EVI5L: variants seen among roughly 807,000 people sequenced by gnomAD.
EVI5L encodes the protein ecotropic viral integration site 5 like, also known as EVI5-like protein.
A neutral mutation model predicts 106.1 loss-of-function variants in EVI5L; 30 were observed. That is an observed-to-expected ratio of 0.28 (90% CI 0.21 to 0.38). The LOEUF (loss-of-function observed/expected upper bound fraction) is 0.38. EVI5L is among the 10% of genes least tolerant of loss of function. The pLI, the probability that EVI5L is intolerant of heterozygous loss-of-function variation, is 1.00. For synonymous variants in EVI5L, 489 were observed against 483.3 expected (o/e 1.01, Z -0.15); for missense variants, 809 against 1,098.0 (o/e 0.74, Z 3.72).
chr19:7,838,555 C>T (rs1289965285), intron 1 of EVI5L, among the ~76,000 whole-genome samples: 3 of 152,144 alleles, frequency 2.0e-5, no homozygotes, highest in Admixed American at 6.5e-5. Flanking sequence ...CCTGCCTAAG[C>T]GACATGGAAA....
chr19:7,831,864 C>G (rs757296807), intron 1 of EVI5L, among the ~76,000 whole-genome samples: 1 of 152,252 alleles, frequency 6.6e-6, no homozygotes, highest in Admixed American at 6.5e-5. Flanking sequence ...CTTTCACCCA[C>G]AACTAGTGTG....
At chr19:7,847,569 G>A (rs1444416031) in intron 2 of EVI5L, among the ~76,000 whole-genome samples, 163 bp from the exon 3 acceptor site, 1 of 150,674 alleles carries the variant, frequency 6.6e-6, no homozygotes, top group Admixed American at 6.7e-5. Flanking sequence ...CTGGGCGACA[G>A]AGCAAGACTC....
chr19:7,849,017 G>A lies in EVI5L; in HGVS notation c.424G>A (p.Glu142Lys), dbSNP rs1363145601. The change falls in exon 4 of 20, where the codon GAG becomes AAG. Residue 142 changes from glutamate to lysine, a missense_variant. Coordinates refer to ENST00000538904, the MANE Select transcript of EVI5L (RefSeq NM_001159944.3). ...CATGCCCGTCAAGAACCAGTACTCCGAGCTGCTCAAGATGTCCTCGCCGTG... is the reference window on the plus strand; with the variant it reads ...CATGCCCGTCAAGAACCAGTACTCCAAGCTGCTCAAGATGTCCTCGCCGTG... ...TDMPVKNQYS[E>K]LLKMSSPCEK... is the part of the protein sequence containing the mutation. The A allele has an allele frequency of 1.9e-6, 3 of 1,613,614 alleles. No individual in the cohort carries two copies. The highest frequency in any genetic ancestry group is 1.7e-6 in the Non-Finnish European group (2 of 1,180,036).
Position 7,849,124 on chromosome 19 carries a change from G to A in EVI5L, c.531G>A (p.Glu177=), listed in dbSNP as rs1256492729. The change falls in exon 4 of 20, where the codon GAG becomes GAA. Residue 177 remains glutamate, a synonymous_variant. Transcript: ENST00000538904. ...AGGGCCAGGACAGCCTGGGCCAGGAGGTCCTCTTCAACGTCATGAAGGTGA... is the reference window on the plus strand; with the variant it reads ...AGGGCCAGGACAGCCTGGGCCAGGAAGTCCTCTTCAACGTCATGAAGGTGA... ...FFKGQDSLGQ[E]VLFNVMKAYS... is the part of the protein sequence containing the mutation. 2 of 1,610,160 alleles carry A rather than the reference G, an allele frequency of 1.2e-6. No individual in the cohort carries two copies. Among genetic ancestry groups the A allele is most frequent in the East Asian group, 4.5e-5 (2 of 44,732 alleles).
chr19:7,850,811 C>T lies in EVI5L; in HGVS notation c.754-623C>T, dbSNP rs1353416938. On this transcript the variant is annotated intron_variant, in intron 6 of 19. Transcript: ENST00000538904. This position sits in a 1 kb window ranked among gnomAD's most constrained non-coding sequence, Gnocchi z 5.4. ...CCACCTCAGGCTGGGTAGCAGAGCC[C>T]TCCCACAGCCAAGCTTGCAAACTCA... Among the ~76,000 whole-genome samples, 1 of 152,186 alleles carries T rather than the reference C, an allele frequency of 6.6e-6. No homozygotes were observed. Among genetic ancestry groups the T allele is most frequent in the Non-Finnish European group, 1.5e-5 (1 of 68,036 alleles).
intron 10 of EVI5L, among the ~76,000 whole-genome samples, chr19:7,854,697 T>C (rs574141354): frequency 2.1e-4 from 32 of 152,266 alleles, no homozygotes; most frequent in African/African-American, 6.7e-4. Context: ...AGAGAGATGA[T>C]AGGGAAACCC....
At position 7,858,180 on chromosome 19, in the gene EVI5L, G is replaced by T. The variant is rs369044145; in HGVS notation, c.1234-11G>T. The T allele has an allele frequency of 6.4e-7, 1 of 1,554,508 alleles. No homozygotes were observed. The highest frequency in any genetic ancestry group is 2.4e-5 in the East Asian group (1 of 41,576). On this transcript the variant is annotated splice_polypyrimidine_tract_variant and intron_variant, in intron 12 of 19. Coordinates refer to ENST00000538904, the MANE Select transcript of EVI5L (RefSeq NM_001159944.3). This position sits in a 1 kb window ranked among gnomAD's most constrained non-coding sequence, Gnocchi z 5.7. ...CGGCCTCCCCCTGCCCCCTGTCCTC[G>T]CTGTTCTCAGGGGCAAGTGACACGG...
At chr19:7,842,643 A>C (rs1233415220) in intron 1 of EVI5L, among the ~76,000 whole-genome samples, 1 of 148,052 alleles carries the variant, frequency 6.8e-6, no homozygotes, top group African/African-American at 2.5e-5. Flanking sequence ...AAATATGTGA[A>C]TGTGGGTGTT....
intron 13 of EVI5L, among the ~76,000 whole-genome samples, chr19:7,859,345 T>C (rs1568244124): frequency 6.6e-6 from 1 of 152,144 alleles, no homozygotes; most frequent in Admixed American, 6.5e-5. Context: ...CCCGCTGCCA[T>C]CCTGGCCTGA....
Position 7,856,001 on chromosome 19 carries a change from C to T in EVI5L, c.1147-14C>T. ...GGGGGCGGGCTATGACGTGATCTCCCCCCACCCCCATAGAGACTTCGGACG... is the reference window on the plus strand; with the variant it reads ...GGGGGCGGGCTATGACGTGATCTCCTCCCACCCCCATAGAGACTTCGGACG... On this transcript the variant is annotated splice_polypyrimidine_tract_variant and intron_variant, in intron 10 of 19. Transcript: ENST00000538904. The surrounding 1 kb of genome is among the most constrained non-coding windows in gnomAD (Gnocchi z 6.6). 3 of 1,326,518 alleles carry T rather than the reference C, an allele frequency of 2.3e-6. No homozygotes were observed. The highest frequency in any genetic ancestry group is 2.9e-6 in the Non-Finnish European group (3 of 1,028,598). 82.2% of individuals were successfully genotyped at this position (1,326,518 alleles called of 1,614,324 possible). A position where few individuals can be genotyped will look rare whatever the true frequency, so the allele number is the denominator to read the frequency against.
intron 1 of EVI5L, among the ~76,000 whole-genome samples, chr19:7,844,331 CAAAAAA>C (rs71179149): frequency 8.3e-5 from 11 of 132,450 alleles, no homozygotes; most frequent in Non-Finnish European, 1.3e-4. Context: ...GACTCCGTCT[CAAAAAA>C]AAAAAAAAAA....
At position 7,848,770 on chromosome 19, in the gene EVI5L, G is replaced by GA; in HGVS notation, c.328-145dup. The GA allele has an allele frequency of 4.3e-6, 3 of 700,910 alleles. No homozygotes were observed. The East Asian group carries it at 8.2e-5, about 19-fold the overall frequency. The allele number at this position is 700,910 out of a possible 1,614,324, so 43.4% of individuals were successfully genotyped here. ...GGTGACAGAGGGAGACCCTGTCTCT[G>GA]AAAAAAGGGGGTAAAAAAAGGATTG... On this transcript the variant is annotated intron_variant, in intron 3 of 19. Coordinates refer to ENST00000538904, the MANE Select transcript of EVI5L (RefSeq NM_001159944.3). The surrounding 1 kb of genome is among the most constrained non-coding windows in gnomAD (Gnocchi z 4.8).
chr19:7,843,564 A>C (rs201381855), intron 1 of EVI5L, among the ~76,000 whole-genome samples: 1 of 26,448 alleles, frequency 3.8e-5, no homozygotes. Flanking sequence ...GTGTATAGGT[A>C]TGTGAGTGTG....
chr19:7,858,309 T>C lies in EVI5L; in HGVS notation c.1352T>C (p.Ile451Thr). 6.5e-7 allele frequency: 1 copy of C among 1,548,254 alleles called. No individual in the cohort carries two copies. Among genetic ancestry groups the C allele is most frequent in the Non-Finnish European group, 8.7e-7 (1 of 1,146,968 alleles). ...AEDLQKAQSTIRQLQEQQENP... is the reference protein window; with the variant it reads ...AEDLQKAQSTTRQLQEQQENP... Reference sequence around the variant, plus strand: ...GACCTGCAGAAGGCACAGAGCACCATCCGGCAGCTACAGGAGCAGCAGGTA... The same window carrying C: ...GACCTGCAGAAGGCACAGAGCACCACCCGGCAGCTACAGGAGCAGCAGGTA... Residue 451 changes from isoleucine (I) to threonine (T), a missense_variant, in exon 13 of 20, where the codon ATC becomes ACC. Ile to Thr is a moderately conservative substitution (Grantham distance 89). Around this residue, in one of 2 missense-constraint regions of EVI5L, gnomAD observed 452 missense variants for 509.9 expected, o/e 0.89. Coordinates refer to ENST00000538904, the MANE Select transcript of EVI5L (RefSeq NM_001159944.3). This position sits in a 1 kb window ranked among gnomAD's most constrained non-coding sequence, Gnocchi z 5.7.
At chr19:7,847,970 G>A in intron 3 of EVI5L, 49 bp downstream of exon 3, 3 of 1,497,708 alleles carry the variant, frequency 2.0e-6, no homozygotes, top group Middle Eastern at 2.3e-4. Flanking sequence ...GTGGGCAGGT[G>A]GTGCGGTCAC....
intron 1 of EVI5L, among the ~76,000 whole-genome samples, chr19:7,837,698 G>T (rs769209781): frequency 6.6e-6 from 1 of 151,884 alleles, no homozygotes; most frequent in Non-Finnish European, 1.5e-5. Flanking sequence ...GTTTGGTTTG[G>T]TTTTTGTTTT....
intron 8 of EVI5L, 47 bp downstream of exon 8, chr19:7,851,817 C>G: frequency 6.9e-7 from 1 of 1,456,444 alleles, no homozygotes; most frequent in Non-Finnish European, 9.1e-7. Context: ...CAATCAGGGG[C>G]TTCGAGTCAC....
chr19:7,855,453 A>G (rs1979475061), intron 10 of EVI5L, among the ~76,000 whole-genome samples: 1 of 152,202 alleles, frequency 6.6e-6, no homozygotes, highest in Admixed American at 6.5e-5. Flanking sequence ...AGCAAGGGAG[A>G]CGTCTTCGAA....
rs149076525 is a variant in EVI5L at position 7,849,276 on chromosome 19, G to A, written c.573G>A (p.Arg191=). 183 of 1,614,184 alleles carry A rather than the reference G, an allele frequency of 1.1e-4. No homozygotes were observed. The African/African-American group carries it at 2.3e-3, about 21-fold the overall frequency. The change falls in exon 5 of 20, where the codon CGG becomes CGA. Residue 191 remains arginine, a synonymous_variant. Transcript: ENST00000538904. ...NVMKAYSLVD[R]EVGYCQGSAF... ...TCTAGGCATACTCGCTGGTAGACCG[G>A]GAGGTGGGCTACTGCCAGGGAAGCG... is the stretch of plus-strand genomic sequence containing the variant.
Sources: allele counts gnomAD v4.1 joint callset (sites outside exome capture counted in the v4.1 genomes callset), GRCh38; gene constraint gnomAD v4.1.1; regional missense constraint gnomAD v4.1.1; non-coding constraint Gnocchi (gnomAD v3.1); transcripts MANE v1.5; gene names NCBI Gene and HGNC (gene_info 2026-07-23, HGNC 2026-07-21).